Variants in PCDHGA5 observed in about 807,000 individuals in gnomAD.
PCDHGA5 encodes protocadherin gamma subfamily A, 5, also known as protocadherin gamma-A5.
In PCDHGA5, 36 loss-of-function variants were observed where a neutral mutation model predicts 56.7. The observed-to-expected ratio is 0.64, with a 90% CI of 0.49 to 0.84. PCDHGA5 has a LOEUF of 0.84. Among genes scored for constraint, PCDHGA5 ranks in the 40% least tolerant of loss-of-function variants. The probability of loss-of-function intolerance (pLI) is 0.00; values close to 1 mark genes in which losing one functional copy is unlikely to be tolerated. For missense variants in PCDHGA5, 1,305 were observed against 1,201.5 expected (o/e 1.09, Z -1.27); for synonymous variants, 563 against 520.2 (o/e 1.08, Z -1.12).
At chr5:141,399,851 C>T (rs971471583) in intron 1 of PCDHGA5, 3 of 1,612,950 alleles carry the variant, frequency 1.9e-6, no homozygotes, top group Non-Finnish European at 2.5e-6. Flanking sequence ...GATATGGTGC[C>T]GCGCGCTGCA....
intron 1 of PCDHGA5, chr5:141,409,446 C>A: frequency 6.2e-7 from 1 of 1,613,984 alleles, no homozygotes; most frequent in Middle Eastern, 1.6e-4. Flanking sequence ...CGAGAGCAGA[C>A]ACCAGAATAC....
At chr5:141,399,915 C>T in intron 1 of PCDHGA5, 1 of 1,612,364 alleles carries the variant, frequency 6.2e-7, no homozygotes, top group Non-Finnish European at 8.5e-7. Flanking sequence ...ACTCAGGACA[C>T]AACGCCTGGC....
intron 1 of PCDHGA5, among the ~76,000 whole-genome samples, chr5:141,482,689 C>T (rs145383957): frequency 7.1e-6 from 1 of 140,984 alleles, no homozygotes; most frequent in East Asian, 1.9e-4. Flanking sequence ...GCTTGTCAGA[C>T]AGTAAAGGGG....
At chr5:141,427,958 G>A (rs1266312663) in intron 1 of PCDHGA5, 3 of 1,588,290 alleles carry the variant, frequency 1.9e-6, no homozygotes, top group Admixed American at 1.7e-5. Context: ...ACAATGTGCC[G>A]CGGGTGCTGT....
At chr5:141,428,275 G>C in intron 1 of PCDHGA5, 1 of 767,218 alleles carries the variant, frequency 1.3e-6, no homozygotes, top group Non-Finnish European at 2.2e-6. Context: ...TGTGCCCTCT[G>C]ATTCCCAAGC....
chr5:141,384,705 C>T lies in PCDHGA5; in HGVS notation c.2421+17954C>T, dbSNP rs761874903. ...TGGACAAAGATTCAGGCCAGAACGC[C>T]TGGCTGTCATACCTCCTGCTTAAGG... On this transcript the variant is annotated intron_variant, in intron 1 of 3. Coordinates refer to ENST00000518069, the MANE Select transcript of PCDHGA5 (RefSeq NM_018918.3). 19 of 1,614,140 alleles carry T rather than the reference C, an allele frequency of 1.2e-5. No individual in the cohort carries two copies. The South Asian group carries it at 1.8e-4, about 15-fold the overall frequency.
intron 1 of PCDHGA5, chr5:141,372,172 C>A: frequency 6.2e-7 from 1 of 1,613,722 alleles, no homozygotes; most frequent in Non-Finnish European, 8.5e-7. Flanking sequence ...AAGGTGGTGG[C>A]GGTGGACGCA....
chr5:141,461,347 G>C (rs2154567331), intron 1 of PCDHGA5, among the ~76,000 whole-genome samples: 1 of 152,242 alleles, frequency 6.6e-6, no homozygotes, highest in Admixed American at 6.5e-5. Flanking sequence ...GGACCAAGGT[G>C]GTAGCTCGTT....
At chr5:141,503,660 C>A (rs2099827842) in intron 2 of PCDHGA5, among the ~76,000 whole-genome samples, 1 of 150,420 alleles carries the variant, frequency 6.6e-6, no homozygotes, top group Non-Finnish European at 1.5e-5. Flanking sequence ...AACAGAATTA[C>A]AACTCTTCCC....
At chr5:141,427,573 T>C in intron 1 of PCDHGA5, 1 of 667,160 alleles carries the variant, frequency 1.5e-6, no homozygotes, top group Non-Finnish European at 2.8e-6. Context: ...AAGCCTCCGC[T>C]CTCATCCAGC....
intron 2 of PCDHGA5, among the ~76,000 whole-genome samples, chr5:141,503,166 A>T (rs1246987375): frequency 1.3e-5 from 2 of 151,884 alleles, no homozygotes; most frequent in Admixed American, 1.3e-4. Context: ...CACAATTGCA[A>T]TTACTCTATT....
chr5:141,457,997 G>A (rs2098934533), intron 1 of PCDHGA5, among the ~76,000 whole-genome samples: 1 of 152,152 alleles, frequency 6.6e-6, no homozygotes, highest in Non-Finnish European at 1.5e-5. Context: ...TAAAGCCTTG[G>A]CAAAATAACC....
intron 1 of PCDHGA5, chr5:141,414,615 G>A: frequency 6.2e-7 from 1 of 1,613,962 alleles, no homozygotes; most frequent in Non-Finnish European, 8.5e-7. Context: ...CAGTGACAGC[G>A]CTGGACCCGG....
intron 1 of PCDHGA5, chr5:141,396,121 G>T: frequency 6.6e-6 from 1 of 152,188 alleles, no homozygotes. Context: ...AATGTTTCAG[G>T]TACACAAGTT....
At position 141,364,988 on chromosome 5, in the gene PCDHGA5, C is replaced by A. The variant is rs1479313119; in HGVS notation, c.658C>A (p.Pro220Thr). 6.2e-6 allele frequency: 10 copies of A among 1,613,892 alleles called. No homozygotes were observed. The highest frequency in any genetic ancestry group is 4.5e-5 in the East Asian group (2 of 44,884). ...CCTCACAGCTTTAGATGGCGGAGACCCGGTACTCTCCGGCACCACGCACAT... is the reference window on the plus strand; with the variant it reads ...CCTCACAGCTTTAGATGGCGGAGACACGGTACTCTCCGGCACCACGCACAT... ...LLLTALDGGD[P>T]VLSGTTHIRV... Residue 220 changes from proline (P) to threonine (T), a missense_variant, in exon 1 of 4, where the codon CCG becomes ACG. Transcript: ENST00000518069.
intron 1 of PCDHGA5, chr5:141,385,279 T>C (rs1781077881): frequency 1.2e-6 from 2 of 1,613,486 alleles, no homozygotes; most frequent in African/African-American, 2.7e-5. Flanking sequence ...TTTGCTAACA[T>C]CCGTAGATTT....
At chr5:141,404,784 C>T (rs780341962) in intron 1 of PCDHGA5, 2 of 1,613,832 alleles carry the variant, frequency 1.2e-6, no homozygotes, top group Non-Finnish European at 1.7e-6. Flanking sequence ...CTATTCAAGG[C>T]CAGTGAGCCA....
At chr5:141,443,448 T>C (rs1205977008) in intron 1 of PCDHGA5, among the ~76,000 whole-genome samples, 1 of 152,210 alleles carries the variant, frequency 6.6e-6, no homozygotes, top group African/African-American at 2.4e-5. Context: ...GTTGCGCTCC[T>C]GTACTCCAGT....
intron 2 of PCDHGA5, among the ~76,000 whole-genome samples, chr5:141,500,333 A>G (rs1237684682): frequency 6.6e-6 from 1 of 151,336 alleles, no homozygotes; most frequent in Non-Finnish European, 1.5e-5. Context: ...CTCAGCCTCC[A>G]GAATAGCTGG....
Sources: allele counts gnomAD v4.1 joint callset (sites outside exome capture counted in the v4.1 genomes callset), GRCh38; gene constraint gnomAD v4.1.1; transcripts MANE v1.5; gene names NCBI Gene and HGNC (gene_info 2026-07-23, HGNC 2026-07-21).